RBFOX2: variants seen among roughly 807,000 people sequenced by gnomAD.
The protein encoded by RBFOX2 is RNA binding protein fox-1 homolog 2.
A neutral mutation model predicts 49.1 loss-of-function variants in RBFOX2; 10 were observed. That is an observed-to-expected ratio of 0.20 (90% CI 0.13 to 0.35). RBFOX2 has a LOEUF of 0.35. Ranked by LOEUF, RBFOX2 falls within the 10% of genes least tolerant of loss-of-function variation. The probability of loss-of-function intolerance (pLI) is 1.00; values close to 1 mark genes in which losing one functional copy is unlikely to be tolerated. For synonymous variants in RBFOX2, 183 were observed against 187.4 expected, an observed-to-expected ratio of 0.98 and a Z score of 0.19; for missense variants, 323 against 486.9, an observed-to-expected ratio of 0.66 and a Z score of 3.17.
At chr22:35,958,119 G>T (rs1052650900) in intron 1 of RBFOX2, among the ~76,000 whole-genome samples, 15 of 152,032 alleles carry the variant, frequency 9.9e-5, no homozygotes, top group Non-Finnish European at 1.9e-4. Flanking sequence ...AGTCATTATA[G>T]ACAAAATAAT....
intron 1 of RBFOX2, among the ~76,000 whole-genome samples, chr22:35,904,548 C>T (rs996723267): frequency 6.6e-6 from 1 of 152,150 alleles, no homozygotes; most frequent in Non-Finnish European, 1.5e-5. Context: ...GCCACAGATA[C>T]AAACCACAAA....
intron 1 of RBFOX2, chr22:35,840,159 A>G (rs763336346): frequency 3.1e-6 from 5 of 1,610,432 alleles, no homozygotes; most frequent in Admixed American, 3.3e-5. Context: ...CAGAGAGGAG[A>G]AAAGAAACAT....
chr22:36,023,376 C>T (rs1406332439), intron 1 of RBFOX2, among the ~76,000 whole-genome samples: 3 of 152,176 alleles, frequency 2.0e-5, no homozygotes, highest in Non-Finnish European at 4.4e-5. Context: ...GAAGCGGTTA[C>T]TTGGCCATAT....
Position 35,831,391 on chromosome 22 carries a change from C to T in RBFOX2, c.27+8801G>A, listed in dbSNP as rs1956773569. Reference sequence around the variant, plus strand: ...GAGCTGGCAGTGATCCGAGATCGCACCACTGCACTCCAGCCTGGGTGATAG... The same window carrying T: ...GAGCTGGCAGTGATCCGAGATCGCATCACTGCACTCCAGCCTGGGTGATAG... On this transcript the variant is annotated intron_variant, in intron 1 of 11. Transcript: ENST00000405409. 3.3e-5 allele frequency among the ~76,000 whole-genome samples: 5 copies of T among 152,048 alleles called. 1 individual carries two copies. The South Asian group carries it at 6.2e-4, about 19-fold the overall frequency.
chr22:35,817,441 C>T (rs1376760333), intron 1 of RBFOX2, among the ~76,000 whole-genome samples: 3 of 151,908 alleles, frequency 2.0e-5, no homozygotes, highest in Non-Finnish European at 4.4e-5. Context: ...CGCGCCACTG[C>T]ACTCCAGCCT....
intron 1 of RBFOX2, among the ~76,000 whole-genome samples, chr22:35,818,314 A>C (rs1953637134): frequency 6.6e-6 from 1 of 152,228 alleles, no homozygotes; most frequent in African/African-American, 2.4e-5. Context: ...GGCCCTTACA[A>C]TTAATAGTTA....
At chr22:36,014,331 C>G (rs1226213184) in intron 1 of RBFOX2, among the ~76,000 whole-genome samples, 1 of 152,040 alleles carries the variant, frequency 6.6e-6, no homozygotes, top group Non-Finnish European at 1.5e-5. Flanking sequence ...ACCGTGGTCT[C>G]GATCTCCTGA....
At chr22:35,838,264 C>A (rs1483790572) in intron 1 of RBFOX2, among the ~76,000 whole-genome samples, 1 of 142,632 alleles carries the variant, frequency 7.0e-6, no homozygotes, top group Non-Finnish European at 1.5e-5. Flanking sequence ...TATTTCTTTT[C>A]TTTTTTTTTT....
intron 1 of RBFOX2, among the ~76,000 whole-genome samples, chr22:35,829,569 CAG>C (rs1262611079): frequency 6.6e-6 from 1 of 151,278 alleles, no homozygotes; most frequent in African/African-American, 2.4e-5. Context: ...CAAAAAGAAA[CAG>C]AGAGAGGGAG....
At chr22:35,933,953 T>TATATATATATACACAC (rs1009021083) in intron 1 of RBFOX2, among the ~76,000 whole-genome samples, 1 of 141,072 alleles carries the variant, frequency 7.1e-6, no homozygotes, top group African/African-American at 2.8e-5. Flanking sequence ...TATATATATA[T>TATATATATATACACAC]ACACACATCA....
chr22:35,756,176 A>C (rs1261478866), intron 9 of RBFOX2, 32 bp from the exon 11 acceptor site: 9 of 1,485,616 alleles, frequency 6.1e-6, no homozygotes, highest in African/African-American at 1.4e-5. Context: ...ACAAAAACAA[A>C]AAAAACAAAA....
intron 1 of RBFOX2, among the ~76,000 whole-genome samples, chr22:35,932,805 C>T (rs746501508): frequency 1.2e-4 from 19 of 152,240 alleles, no homozygotes; most frequent in Middle Eastern, 6.8e-3. Context: ...CACTTGAACC[C>T]GGGAGGCAAA....
Position 35,759,835 on chromosome 22 carries a change from T to C in RBFOX2, c.887+53A>G, listed in dbSNP as rs926292766. 3.7e-5 allele frequency: 60 copies of C among 1,601,564 alleles called. No homozygotes were observed. Among genetic ancestry groups the C allele is most frequent in the Non-Finnish European group, 4.9e-5 (57 of 1,170,542 alleles). On this transcript the variant is annotated intron_variant, in intron 9 of 11. Coordinates refer to ENST00000405409, the Ensembl canonical transcript of RBFOX2. The surrounding 1 kb of genome is among the most constrained non-coding windows in gnomAD (Gnocchi z 4.6). ...TATGAAAGGGCCATGGTATTCTTTTTTGGTCCAACTGCTTATTTTAGAAAC... is the reference window on the plus strand; with the variant it reads ...TATGAAAGGGCCATGGTATTCTTTTCTGGTCCAACTGCTTATTTTAGAAAC...
chr22:36,011,324 G>C (rs898011878), intron 1 of RBFOX2, among the ~76,000 whole-genome samples: 4 of 152,070 alleles, frequency 2.6e-5, no homozygotes, highest in African/African-American at 9.7e-5. Flanking sequence ...GAAAAAACAA[G>C]AGATGTAGAT....
At chr22:36,024,760 G>A (rs992312936) in intron 1 of RBFOX2, among the ~76,000 whole-genome samples, 37 of 151,966 alleles carry the variant, frequency 2.4e-4, no homozygotes, top group Middle Eastern at 3.4e-3. Context: ...AAAAAAAGAC[G>A]TGTACTTTAA....
intron 1 of RBFOX2, among the ~76,000 whole-genome samples, chr22:35,988,588 TAGA>T (rs1274710385): frequency 6.6e-6 from 1 of 151,502 alleles, no homozygotes; most frequent in East Asian, 1.9e-4. Context: ...CCATAAAGGG[TAGA>T]AGGAGACATG....
intron 1 of RBFOX2, among the ~76,000 whole-genome samples, chr22:35,831,328 G>A (rs577686486): frequency 1.3e-5 from 2 of 152,234 alleles, no homozygotes; most frequent in Non-Finnish European, 2.9e-5. Flanking sequence ...CTGCCCTTGG[G>A]AGGCTGAGGC....
intron 1 of RBFOX2, among the ~76,000 whole-genome samples, chr22:35,908,375 T>C (rs1309538415): frequency 2.6e-5 from 4 of 152,206 alleles, no homozygotes; most frequent in African/African-American, 9.6e-5. Context: ...CCAAACATCA[T>C]AGCTTAGCCT....
intron 3 of RBFOX2, among the ~76,000 whole-genome samples, chr22:35,778,292 G>T (rs762488992): frequency 6.6e-6 from 1 of 152,194 alleles, no homozygotes; most frequent in Non-Finnish European, 1.5e-5. Flanking sequence ...GGAAGCTGTT[G>T]TCCAAAGTTA....
Sources: gnomAD v4.1 joint callset for allele counts (sites outside exome capture counted in the v4.1 genomes callset) on GRCh38, gnomAD v4.1.1 for gene constraint, Gnocchi (gnomAD v3.1) non-coding constraint, MANE v1.5 for transcripts, NCBI Gene and HGNC (gene_info 2026-07-23, HGNC 2026-07-21) for gene names.